The following URB1 variants were observed in gnomAD, a reference collection of about 807,000 sequenced individuals.
URB1 encodes the protein URB1 ribosome biogenesis factor, also known as nucleolar pre-ribosomal-associated protein 1.
URB1 carries 197 observed loss-of-function variants against 242.3 expected under a neutral mutation model. The observed-to-expected ratio is 0.81, with a 90% CI of 0.72 to 0.91. The LOEUF is 0.91. URB1 is among the 40% of genes least tolerant of loss of function. The pLI is 0.00. For missense variants in URB1, 2,721 were observed against 2,860.5 expected (o/e 0.95, Z 1.11); for synonymous variants, 1,153 against 1,201.8 (o/e 0.96, Z 0.84).
intron 5 of URB1, among the ~76,000 whole-genome samples, chr21:32,376,641 G>GC (rs888413139): frequency 1.3e-5 from 2 of 151,778 alleles, no homozygotes; most frequent in African/African-American, 4.8e-5. Context: ...AGTGCAGCAT[G>GC]TTTTTTTTCT....
chr21:32,324,458 A>G, intron 32 of URB1, 33 bp downstream of exon 32: 3 of 1,519,166 alleles, frequency 2.0e-6, no homozygotes, highest in Non-Finnish European at 2.7e-6. Context: ...TCAGCTTTTC[A>G]ATTTCCCCTC....
At chr21:32,337,000 A>C in intron 28 of URB1, 94 bp downstream of exon 28, 1 of 1,301,714 alleles carries the variant, frequency 7.7e-7, no homozygotes, top group African/African-American at 1.5e-5. Context: ...CTGAGAACCA[A>C]AATGGAATGA....
At chr21:32,343,572 ATCT>A (rs2033053798) in intron 24 of URB1, among the ~76,000 whole-genome samples, 1 of 152,196 alleles carries the variant, frequency 6.6e-6, no homozygotes, top group African/African-American at 2.4e-5. Context: ...GATGATGAAA[ATCT>A]TCTTGGATAG....
chr21:32,347,898 T>C, intron 21 of URB1, 87 bp from the exon 22 acceptor site: 1 of 1,443,734 alleles, frequency 6.9e-7, no homozygotes, highest in Non-Finnish European at 9.1e-7. Context: ...TTCACTGTTG[T>C]TAGCGAGACA....
intron 36 of URB1, among the ~76,000 whole-genome samples, chr21:32,318,974 A>T (rs1199623501): frequency 6.6e-6 from 1 of 152,244 alleles, no homozygotes; most frequent in Non-Finnish European, 1.5e-5. Context: ...GTTAACAAGT[A>T]TGTTAAGTTC....
intron 8 of URB1, 48 bp from the exon 9 acceptor site, chr21:32,368,646 G>A (rs1455301548): frequency 6.7e-7 from 1 of 1,486,666 alleles, no homozygotes. Context: ...AATGGTCAAA[G>A]CACCCTGAGA....
chr21:32,358,827 C>T (rs747740083), intron 14 of URB1, among the ~76,000 whole-genome samples: 1 of 152,132 alleles, frequency 6.6e-6, no homozygotes, highest in Non-Finnish European at 1.5e-5. Context: ...GAGCTCTAGG[C>T]AGCACCGCCT....
At chr21:32,342,653 C>CAACAT in intron 24 of URB1, among the ~76,000 whole-genome samples, 1 of 306 alleles carries the variant, frequency 3.3e-3, no homozygotes, top group Non-Finnish European at 6.8e-3. Flanking sequence ...CTCCAGGAAG[C>CAACAT]ACTAGTGCCA....
chr21:32,363,339 A>C lies in URB1; in HGVS notation c.1336-10T>G. The C allele has an allele frequency of 6.5e-7, 1 of 1,550,104 alleles. No individual in the cohort carries two copies. Among genetic ancestry groups the C allele is most frequent in the South Asian group, 1.2e-5 (1 of 84,008 alleles). On this transcript the variant is annotated splice_polypyrimidine_tract_variant and intron_variant, in intron 10 of 38. Transcript: ENST00000382751. ...CTGAGGTGCTGTCCAACTGGGAAGA[A>C]AAAGAGTTAAATGCACACATGTCTC...
intron 38 of URB1, among the ~76,000 whole-genome samples, chr21:32,315,565 A>T (rs1008935660): frequency 6.6e-6 from 1 of 152,204 alleles, no homozygotes. Context: ...TGCTAGGATT[A>T]TAGGTGTGAG....
intron 20 of URB1, among the ~76,000 whole-genome samples, chr21:32,350,209 G>C (rs2033141554): frequency 6.6e-6 from 1 of 151,862 alleles, no homozygotes; most frequent in Non-Finnish European, 1.5e-5. Context: ...GAGGCAGGCA[G>C]ATCACTGTGA....
intron 30 of URB1, among the ~76,000 whole-genome samples, chr21:32,332,377 C>T (rs914624030): frequency 6.7e-6 from 1 of 150,166 alleles, no homozygotes; most frequent in Admixed American, 6.6e-5. Flanking sequence ...AAAAGATAAG[C>T]TACGGATTGT....
intron 4 of URB1, among the ~76,000 whole-genome samples, chr21:32,380,630 G>T (rs1197726992): frequency 1.3e-5 from 2 of 152,168 alleles, no homozygotes; most frequent in African/African-American, 4.8e-5. Flanking sequence ...AGCTTAAGCT[G>T]CTCCCAAGCC....
intron 15 of URB1, among the ~76,000 whole-genome samples, chr21:32,356,799 G>C (rs1301102449): frequency 6.6e-6 from 1 of 152,256 alleles, no homozygotes; most frequent in African/African-American, 2.4e-5. Flanking sequence ...AAGCCTGACT[G>C]TGCCAATTTC....
At chr21:32,367,155 G>A (rs2033355406) in intron 9 of URB1, among the ~76,000 whole-genome samples, 1 of 152,184 alleles carries the variant, frequency 6.6e-6, no homozygotes, top group African/African-American at 2.4e-5. Context: ...AACGCTTTGG[G>A]ATAGGCACAC....
In URB1 at chr21:32,373,743, G is replaced by A; in HGVS notation, c.780C>T (p.Thr260=). 3 of 1,543,624 alleles carry A rather than the reference G, an allele frequency of 1.9e-6. No homozygotes were observed. The highest frequency in any genetic ancestry group is 1.2e-5 in the South Asian group (1 of 82,160). Residue 260 remains threonine, a synonymous_variant, in exon 7 of 39, where the codon ACC becomes ACT. Coordinates refer to ENST00000382751, the MANE Select transcript of URB1 (RefSeq NM_014825.3). The stretch of plus-strand genomic sequence containing the variant: ...GCCCCGTAAAGAAACGCACCTTCTG[G>A]GTTTTTGTGATATTTTTATTGTGAA... ...KVVHNKNITK[T]QKVRFFTGQL...
Position 32,312,418 on chromosome 21 carries a change from T to A in URB1, c.*2500A>T. 1.2e-6 allele frequency: 1 copy of A among 850,180 alleles called. No individual in the cohort carries two copies. The highest frequency in any genetic ancestry group is 1.5e-6 in the Non-Finnish European group (1 of 654,894). 52.7% of individuals were successfully genotyped at this position (850,180 alleles called of 1,614,324 possible). A position where few individuals can be genotyped will look rare whatever the true frequency, so the allele number is the denominator to read the frequency against. ...GGGTAAGTTCCCATCCAAGCTCCAC[T>A]AACACCCGCCGGCTCCCCCAGATGT... On this transcript the variant is annotated 3_prime_UTR_variant, in exon 39 of 39. Coordinates refer to ENST00000382751, the MANE Select transcript of URB1 (RefSeq NM_014825.3).
At chr21:32,353,673 G>A (rs889057342) in intron 18 of URB1, among the ~76,000 whole-genome samples, 1 of 152,124 alleles carries the variant, frequency 6.6e-6, no homozygotes, top group Non-Finnish European at 1.5e-5. Context: ...ACGTTACAGA[G>A]GCTGTCTGGG....
At chr21:32,356,340 C>T (rs969387135) in intron 15 of URB1, among the ~76,000 whole-genome samples, 10 of 152,068 alleles carry the variant, frequency 6.6e-5, no homozygotes, top group Non-Finnish European at 1.5e-4. Context: ...GGCAGTGAAC[C>T]GTGATTGTAG....
Sources: allele counts gnomAD v4.1 joint callset (sites outside exome capture counted in the v4.1 genomes callset), GRCh38; gene constraint gnomAD v4.1.1; transcripts MANE v1.5; gene names NCBI Gene and HGNC (gene_info 2026-07-23, HGNC 2026-07-21).